Variants in CHEK2 observed in about 807,000 individuals in gnomAD.
The protein encoded by CHEK2 is checkpoint kinase 2, also known as serine/threonine-protein kinase Chk2.
In CHEK2, 71 loss-of-function variants were observed where a neutral mutation model predicts 69.1. That is an observed-to-expected ratio of 1.03 (90% confidence interval 0.85 to 1.25). The LOEUF is 1.25. Ranked by LOEUF, CHEK2 falls within the 50% of genes most tolerant of loss-of-function variation. The probability of loss-of-function intolerance (pLI) is 0.00; values close to 1 mark genes in which losing one functional copy is unlikely to be tolerated. For synonymous variants in CHEK2, 189 were observed against 226.9 expected (o/e 0.83, Z 1.50); for missense variants, 664 against 649.6 (o/e 1.02, Z -0.24).
At chr22:28,695,531 T>A (rs1166982359) in intron 11 of CHEK2, among the ~76,000 whole-genome samples, 179 bp downstream of exon 11, 3 of 151,972 alleles carry the variant, frequency 2.0e-5, no homozygotes, top group Non-Finnish European at 4.4e-5. Context: ...GTGGTGTGCA[T>A]CTGTAGTCCC....
chr22:28,712,322 G>A (rs937288849), intron 5 of CHEK2: 28 of 383,812 alleles, frequency 7.3e-5, no homozygotes, highest in Admixed American at 2.1e-4. Context: ...GAGAAACTAC[G>A]TATCCGAGAG....
Position 28,725,221 on chromosome 22 carries a change from T to C in CHEK2, c.444+22A>G, listed in dbSNP as rs1165116080. On this transcript the variant is annotated intron_variant, in intron 3 of 14. Coordinates refer to ENST00000404276, the MANE Select transcript of CHEK2 (RefSeq NM_007194.4). ...TGACCAAATTACCAGCTCTCCTAGATACATGGGTATTCATTACCTACCCTG... is the reference window on the plus strand; with the variant it reads ...TGACCAAATTACCAGCTCTCCTAGACACATGGGTATTCATTACCTACCCTG... 3.1e-6 allele frequency: 5 copies of C among 1,613,984 alleles called. No homozygotes were observed. In the African/African-American group the frequency reaches 4.0e-5, roughly 13 times the overall value.
chr22:28,704,836 C>T (rs1393890985), intron 7 of CHEK2, among the ~76,000 whole-genome samples: 1 of 151,978 alleles, frequency 6.6e-6, no homozygotes, highest in Non-Finnish European at 1.5e-5. Flanking sequence ...ATTGATCTTC[C>T]CATAATGTGT....
At chr22:28,738,720 T>C (rs2054481760) in intron 1 of CHEK2, among the ~76,000 whole-genome samples, 1 of 152,154 alleles carries the variant, frequency 6.6e-6, no homozygotes, top group Non-Finnish European at 1.5e-5. Context: ...AGGACACTCA[T>C]CTTGGGCACA....
At chr22:28,714,249 G>A (rs189204662) in intron 5 of CHEK2, among the ~76,000 whole-genome samples, 28 of 152,200 alleles carry the variant, frequency 1.8e-4, no homozygotes, top group Non-Finnish European at 1.3e-4. Flanking sequence ...CCTTATTATG[G>A]TCAGCCTAGT....
In CHEK2 at chr22:28,725,298, A is replaced by T. The variant is rs150677496; in HGVS notation, c.389T>A (p.Leu130Gln). ...TGTTCGGTATTTATCTGTTCTTTTC[A>T]GCAGTGGTTCATCAAAGCAATATTC... ...SCEYCFDEPL[L>Q]KRTDKYRTYS... Residue 130 changes from leucine (L) to glutamine (Q), a missense_variant, in exon 3 of 15, where the codon CTG becomes CAG. Coordinates refer to ENST00000404276, the MANE Select transcript of CHEK2 (RefSeq NM_007194.4). 6.2e-7 allele frequency: 1 copy of T among 1,614,036 alleles called. No individual in the cohort carries two copies. Among genetic ancestry groups the T allele is most frequent in the Non-Finnish European group, 8.5e-7 (1 of 1,180,010 alleles).
chr22:28,701,732 C>G (rs2052856960), intron 8 of CHEK2, among the ~76,000 whole-genome samples: 1 of 152,068 alleles, frequency 6.6e-6, no homozygotes, highest in South Asian at 2.1e-4. Context: ...TACCAAGACA[C>G]TGAAAGATAC....
rs193264230 is a variant in CHEK2, at chr22:28,699,825, G to A, written c.1008+13C>T. ...GAAAGGCAGCTGTCAAAAGAATTGA[G>A]GGCTTCTTTTACCTGCACAGCCAAG... On this transcript the variant is annotated intron_variant, in intron 9 of 14. Transcript: ENST00000404276. The A allele has an allele frequency of 1.8e-5, 28 of 1,575,176 alleles. 1 individual carries two copies. The Admixed American group carries it at 3.8e-4, about 22-fold the overall frequency.
chr22:28,737,190 C>A (rs2146178436), intron 1 of CHEK2: 1 of 443,880 alleles, frequency 2.3e-6, no homozygotes, highest in South Asian at 1.7e-5. Context: ...TAGTACAGAA[C>A]CCTATATAAA....
At chr22:28,732,288 T>G (rs921274812) in intron 2 of CHEK2, among the ~76,000 whole-genome samples, 2 of 152,100 alleles carry the variant, frequency 1.3e-5, no homozygotes, top group Non-Finnish European at 2.9e-5. Flanking sequence ...ATTTTGTATT[T>G]TTAGTAGAGA....
intron 2 of CHEK2, 28 bp from the exon 3 acceptor site, chr22:28,725,395 G>A (rs202151599): frequency 1.2e-6 from 2 of 1,613,868 alleles, no homozygotes; most frequent in Non-Finnish European, 1.7e-6. Context: ...GCATCAGAGG[G>A]CTGTTGAATT....
At chr22:28,731,353 C>T (rs1012014405) in intron 2 of CHEK2, among the ~76,000 whole-genome samples, 1 of 152,186 alleles carries the variant, frequency 6.6e-6, no homozygotes, top group East Asian at 1.9e-4. Context: ...AATCCCACCA[C>T]TTTGGGAGGC....
intron 1 of CHEK2, among the ~76,000 whole-genome samples, chr22:28,739,316 C>T (rs904718580): frequency 6.6e-5 from 10 of 152,052 alleles, no homozygotes; most frequent in Non-Finnish European, 8.8e-5. Flanking sequence ...AGACATTTCT[C>T]GAAAGAAGAC....
intron 4 of CHEK2, chr22:28,721,620 T>C (rs961600701): frequency 2.2e-6 from 1 of 463,352 alleles, no homozygotes; most frequent in Non-Finnish European, 4.5e-6. Flanking sequence ...GAGTAGATTT[T>C]AAGTATTTTC....
In CHEK2 at chr22:28,695,702, T is replaced by C. The variant is rs368388249; in HGVS notation, c.1259+8A>G. 40 of 1,612,434 alleles carry C rather than the reference T, an allele frequency of 2.5e-5. No individual in the cohort carries two copies. In the Middle Eastern group the frequency reaches 5.0e-4, roughly 20 times the overall value. ...ACCAGTCTGTGCAGCAATGAAAATA[T>C]TTCTTACCAGATAAAAAGAATAACT... On this transcript the variant is annotated splice_region_variant and intron_variant, in intron 11 of 14. Transcript: ENST00000404276.
chr22:28,706,572 G>T (rs2053151440), intron 7 of CHEK2, among the ~76,000 whole-genome samples: 1 of 152,102 alleles, frequency 6.6e-6, no homozygotes, highest in Non-Finnish European at 1.5e-5. Flanking sequence ...GCTTCCCAAA[G>T]TGCTGGGATT....
At chr22:28,699,195 G>T (rs980768799) in intron 9 of CHEK2, among the ~76,000 whole-genome samples, 2 of 151,834 alleles carry the variant, frequency 1.3e-5, no homozygotes, top group Non-Finnish European at 2.9e-5. Context: ...AGAGATGGGG[G>T]TCCCATTATA....
At chr22:28,712,467 C>G (rs1027138690) in intron 5 of CHEK2, among the ~76,000 whole-genome samples, 3 of 152,204 alleles carry the variant, frequency 2.0e-5, no homozygotes, top group African/African-American at 7.2e-5. Flanking sequence ...TCTCCATCTT[C>G]AAAGGAAGTG....
chr22:28,720,598 C>T (rs866759647), intron 4 of CHEK2, among the ~76,000 whole-genome samples: 2 of 152,272 alleles, frequency 1.3e-5, no homozygotes, highest in South Asian at 2.1e-4. Flanking sequence ...TCTCAGATCT[C>T]AGGTGACAGG....
Sources: gnomAD v4.1 joint callset for allele counts (sites outside exome capture counted in the v4.1 genomes callset) on GRCh38, gnomAD v4.1.1 for gene constraint, MANE v1.5 for transcripts, NCBI Gene and HGNC (gene_info 2026-07-23, HGNC 2026-07-21) for gene names.